SSR1: variants seen among roughly 807,000 people sequenced by gnomAD.
SSR1 encodes translocon-associated protein subunit alpha.
SSR1 carries 13 observed loss-of-function variants against 36.1 expected under a neutral mutation model. The ratio of observed to expected loss-of-function variants is 0.36; its 90% CI spans 0.23 to 0.57. SSR1 has a LOEUF of 0.57. Ranked by LOEUF, SSR1 falls within the 20% of genes least tolerant of loss-of-function variation. SSR1 has a pLI of 0.81. For missense variants in SSR1, 291 were observed against 338.5 expected, an observed-to-expected ratio of 0.86 and a Z score of 1.10; for synonymous variants, 113 against 118.9, an observed-to-expected ratio of 0.95 and a Z score of 0.32.
intron 7 of SSR1, among the ~76,000 whole-genome samples, chr6:7,294,335 T>C (rs982099791): frequency 2.6e-5 from 4 of 152,294 alleles, no homozygotes; most frequent in South Asian, 2.1e-4. Flanking sequence ...ATAAAAACAA[T>C]AGGCGTATAT....
chr6:7,299,176 C>T (rs1757870864), intron 4 of SSR1, among the ~76,000 whole-genome samples: 1 of 152,134 alleles, frequency 6.6e-6, no homozygotes, highest in Non-Finnish European at 1.5e-5. Context: ...CAAAGTTGTC[C>T]CCTGAATTTT....
At chr6:7,309,417 G>A (rs1925209) in intron 2 of SSR1, among the ~76,000 whole-genome samples, 46,368 of 152,152 alleles carry the variant, frequency 0.3, 7,850 homozygotes, top group African/African-American at 0.46. Context: ...AGCTATGCTC[G>A]TGCCACTGCA....
rs762524339 is a variant in SSR1, at chr6:7,295,488, A to G, written c.700-3T>C. The G allele has an allele frequency of 3.8e-6, 6 of 1,578,176 alleles. No homozygotes were observed. In the African/African-American group the frequency reaches 4.1e-5, roughly 11 times the overall value. ...ACTTTCTGTATGGGTCTCTTACGCT[A>G]AAAGAACATAAAGACATATTTTAAA... On this transcript the variant is annotated splice_region_variant and splice_polypyrimidine_tract_variant and intron_variant, in intron 6 of 7. Transcript: ENST00000244763.
rs963476400 is a variant in SSR1, at chr6:7,306,693, G to A, written c.193-3056C>T. Among the ~76,000 whole-genome samples, 5 of 151,196 alleles carry A rather than the reference G, an allele frequency of 3.3e-5. No homozygotes were observed. The South Asian group carries it at 1.0e-3, about 32-fold the overall frequency. On this transcript the variant is annotated intron_variant, in intron 2 of 7. Transcript: ENST00000244763. ...GCACTTCGGGAGGCCGAGGCGGGCG[G>A]ATCACGAGGTCAGGAGATCGAGACC...
At chr6:7,292,055 T>A (rs1757697162) in intron 7 of SSR1, among the ~76,000 whole-genome samples, 1 of 151,918 alleles carries the variant, frequency 6.6e-6, no homozygotes, top group African/African-American at 2.4e-5. Flanking sequence ...GGTGACAGAG[T>A]GAGATCCTGT....
At chr6:7,309,792 TG>T in intron 2 of SSR1, 124 bp downstream of exon 2, 1 of 789,586 alleles carries the variant, frequency 1.3e-6, no homozygotes, top group Non-Finnish European at 2.1e-6. Flanking sequence ...TGCTGAACTG[TG>T]GGTCAATGAA....
At chr6:7,308,500 G>A (rs1007194704) in intron 2 of SSR1, among the ~76,000 whole-genome samples, 3 of 152,014 alleles carry the variant, frequency 2.0e-5, no homozygotes, top group Non-Finnish European at 4.4e-5. Context: ...CACGAAAATA[G>A]AAAGAAAAAA....
At chr6:7,300,967 T>C (rs1757920258) in intron 4 of SSR1, among the ~76,000 whole-genome samples, 1 of 152,194 alleles carries the variant, frequency 6.6e-6, no homozygotes, top group African/African-American at 2.4e-5. Flanking sequence ...CTGAATAAGC[T>C]GTAGACTCCA....
chr6:7,298,440 G>A (rs537233074), intron 5 of SSR1: 5 of 297,360 alleles, frequency 1.7e-5, no homozygotes, highest in African/African-American at 1.1e-4. Context: ...TAATTTCAGA[G>A]GCACGAGACT....
chr6:7,310,177 G>A (rs1309986480), intron 1 of SSR1, 148 bp from the exon 2 acceptor site: 1 of 571,140 alleles, frequency 1.8e-6, no homozygotes, highest in Non-Finnish European at 3.1e-6. Context: ...ATGCACCGAA[G>A]AATATTTATA....
At chr6:7,291,571 G>T (rs1005289108) in intron 7 of SSR1, among the ~76,000 whole-genome samples, 1 of 152,162 alleles carries the variant, frequency 6.6e-6, no homozygotes, top group Non-Finnish European at 1.5e-5. Context: ...CTAAAACTGA[G>T]CTGTGAGTAC....
At chr6:7,300,280 A>C (rs1484939402) in intron 4 of SSR1, among the ~76,000 whole-genome samples, 1 of 152,224 alleles carries the variant, frequency 6.6e-6, no homozygotes, top group Non-Finnish European at 1.5e-5. Context: ...CTTCCAAGAG[A>C]AAATAAAATT....
At position 7,288,975 on chromosome 6, in the gene SSR1, T is replaced by C. The variant is rs1382322522; in HGVS notation, c.*889A>G. The C allele has an allele frequency of 1.3e-5, 2 of 152,210 alleles. No individual in the cohort carries two copies. The highest frequency in any genetic ancestry group is 4.8e-5 in the African/African-American group (2 of 41,458). 9.4% of individuals were successfully genotyped at this position (152,210 alleles called of 1,614,324 possible). A position where few individuals can be genotyped will look rare whatever the true frequency, so the allele number is the denominator to read the frequency against. On this transcript the variant is annotated 3_prime_UTR_variant, in exon 8 of 8. Coordinates refer to ENST00000244763, the MANE Select transcript of SSR1 (RefSeq NM_003144.5). ...CCTGATAACTTGGTTTTCTGCTTAG[T>C]GTGTGGACCAAGGCAACTTCTCTTT... is the stretch of plus-strand genomic sequence containing the variant.
At chr6:7,291,905 C>T (rs999720587) in intron 7 of SSR1, among the ~76,000 whole-genome samples, 4 of 151,904 alleles carry the variant, frequency 2.6e-5, no homozygotes, top group African/African-American at 9.7e-5. Context: ...AACCCCCTCC[C>T]TACAACAAAT....
intron 7 of SSR1, 27 bp downstream of exon 7, chr6:7,295,364 TC>T: frequency 5.8e-6 from 9 of 1,558,572 alleles, no homozygotes; most frequent in Non-Finnish European, 7.9e-6. Flanking sequence ...GAGAAAAACT[TC>T]CCAGCCAAGT....
At position 7,282,274 on chromosome 6, in the gene SSR1, C is replaced by G. The variant is rs1757439792; in HGVS notation, c.*7590G>C. 6.6e-6 allele frequency: 1 copy of G among 152,178 alleles called. No individual in the cohort carries two copies. The highest frequency in any genetic ancestry group is 1.5e-5 in the Non-Finnish European group (1 of 68,070). 9.4% of individuals were successfully genotyped at this position (152,178 alleles called of 1,614,324 possible). On this transcript the variant is annotated 3_prime_UTR_variant, in exon 8 of 8. Transcript: ENST00000244763. ...TTGACAAAACGGAAAAACAACAGAA[C>G]AGGAAGTGAGGCAGGAGAACCACAG...
intron 7 of SSR1, among the ~76,000 whole-genome samples, chr6:7,294,741 G>C (rs907828435): frequency 6.6e-6 from 1 of 151,704 alleles, no homozygotes; most frequent in Non-Finnish European, 1.5e-5. Context: ...GTCAGGAATT[G>C]ACTTATTTTT....
intron 2 of SSR1, 54 bp from the exon 3 acceptor site, chr6:7,303,691 A>AT: frequency 7.1e-7 from 1 of 1,415,304 alleles, no homozygotes; most frequent in Non-Finnish European, 9.9e-7. Flanking sequence ...AAAAATCATT[A>AT]TTTAAAAATA....
At chr6:7,312,261 A>T (rs555149426) in intron 1 of SSR1, among the ~76,000 whole-genome samples, 1 of 152,376 alleles carries the variant, frequency 6.6e-6, no homozygotes, top group East Asian at 1.9e-4. Context: ...TGTTGAAAGA[A>T]TAAATCTATG....
Sources: gnomAD v4.1 joint callset for allele counts (sites outside exome capture counted in the v4.1 genomes callset) on GRCh38, gnomAD v4.1.1 for gene constraint, MANE v1.5 for transcripts, NCBI Gene and HGNC (gene_info 2026-07-23, HGNC 2026-07-21) for gene names.